ABLIM1: variants seen among roughly 807,000 people sequenced by gnomAD.
ABLIM1 encodes the protein actin-binding LIM protein 1.
A neutral mutation model predicts 107.0 loss-of-function variants in ABLIM1; 40 were observed. The observed-to-expected ratio is 0.37, with a 90% CI of 0.29 to 0.49. The LOEUF (loss-of-function observed/expected upper bound fraction) is 0.49. Ranked by LOEUF, ABLIM1 falls within the 20% of genes least tolerant of loss-of-function variation. The pLI is 0.97. For missense variants in ABLIM1, 857 were observed against 1,008.5 expected, an observed-to-expected ratio of 0.85 and a Z score of 2.04; for synonymous variants, 357 against 357.3, an observed-to-expected ratio of 1.00 and a Z score of 0.01.
chr10:114,460,444 T>C (rs567859530), intron 12 of ABLIM1, among the ~76,000 whole-genome samples: 2 of 152,062 alleles, frequency 1.3e-5, no homozygotes, highest in South Asian at 4.2e-4. Flanking sequence ...CTACTAAAAA[T>C]ACGAAAATTA....
intron 1 of ABLIM1, chr10:114,631,790 C>G (rs1481437409): frequency 8.6e-7 from 1 of 1,159,850 alleles, no homozygotes; most frequent in African/African-American, 1.6e-5. Context: ...GCTTCTCACA[C>G]CGAGAACATG....
chr10:114,698,407 G>T (rs1448021841), intron 1 of ABLIM1, among the ~76,000 whole-genome samples: 3 of 138,812 alleles, frequency 2.2e-5, no homozygotes, highest in Admixed American at 7.0e-5. Context: ...GATTAAAAAT[G>T]TAAAAAAAAA....
chr10:114,714,158 T>C (rs2081612105), intron 1 of ABLIM1, among the ~76,000 whole-genome samples: 1 of 152,248 alleles, frequency 6.6e-6, no homozygotes, highest in African/African-American at 2.4e-5. Flanking sequence ...ATGCCTTCTC[T>C]TCCTGTTTAT....
rs867453626 is a variant in ABLIM1 at position 114,547,770 on chromosome 10, G to A, written c.680C>T (p.Ala227Val). ...PKETTFSSNCAGCGRDIKNGQ... is the reference protein window; with the variant it reads ...PKETTFSSNCVGCGRDIKNGQ... Reference sequence around the variant, plus strand: ...ATTCTTGATATCTCTTCCGCAGCCGGCACAATCTGAAAAAGAGCAGCCGCC... The same window carrying A: ...ATTCTTGATATCTCTTCCGCAGCCGACACAATCTGAAAAAGAGCAGCCGCC... Residue 227 changes from alanine to valine, a missense_variant, in exon 5 of 23, where the codon GCC (alanine) becomes GTC (valine). Transcript: ENST00000533213. The A allele has an allele frequency of 6.2e-7, 1 of 1,608,528 alleles. No individual in the cohort carries two copies.
intron 11 of ABLIM1, among the ~76,000 whole-genome samples, chr10:114,467,106 C>T (rs2065338444): frequency 6.6e-6 from 1 of 152,216 alleles, no homozygotes; most frequent in South Asian, 2.1e-4. Context: ...TTGCAGTGAG[C>T]CAAGATTGTG....
chr10:114,441,606 C>A, intron 18 of ABLIM1, 116 bp downstream of exon 18: 1 of 948,044 alleles, frequency 1.1e-6, no homozygotes, highest in South Asian at 1.8e-5. Context: ...TTAAAATTTT[C>A]ATTATGTTCC....
intron 16 of ABLIM1, among the ~76,000 whole-genome samples, 197 bp from the exon 17 acceptor site, chr10:114,444,331 C>CAGA (rs2060700982): frequency 6.6e-6 from 1 of 152,104 alleles, no homozygotes; most frequent in Non-Finnish European, 1.5e-5. Context: ...TTAGCCCTTT[C>CAGA]AGTTTCAAAG....
intron 17 of ABLIM1, among the ~76,000 whole-genome samples, chr10:114,443,148 C>T (rs1263182175): frequency 6.6e-6 from 1 of 152,058 alleles, no homozygotes; most frequent in African/African-American, 2.4e-5. Context: ...TATGCTCTAG[C>T]TCAGAATATG....
intron 1 of ABLIM1, among the ~76,000 whole-genome samples, chr10:114,647,241 C>T (rs142774622): frequency 0.02 from 2,869 of 145,688 alleles, 64 homozygotes; most frequent in Middle Eastern, 0.062. Context: ...TCAGGTGATC[C>T]GCCTGCCTCG....
chr10:114,678,398 T>C (rs1047528402), intron 1 of ABLIM1, among the ~76,000 whole-genome samples: 1 of 152,234 alleles, frequency 6.6e-6, no homozygotes, highest in Non-Finnish European at 1.5e-5. Flanking sequence ...TAAACTAATC[T>C]TTATCGCCTT....
At chr10:114,448,126 T>C in intron 14 of ABLIM1, 106 bp from the exon 15 acceptor site, 10 of 1,439,192 alleles carry the variant, frequency 6.9e-6, no homozygotes, top group Non-Finnish European at 9.5e-6. Flanking sequence ...AAGTTTCAGT[T>C]CCAGAAAGTT....
rs77379815 is a variant in ABLIM1, at chr10:114,582,080, C to G, written c.380-6481G>C. Among the ~76,000 whole-genome samples the G allele has an allele frequency of 5.4e-3, 815 of 152,292 alleles. 5 individuals are homozygous for G. The highest frequency in any genetic ancestry group is 7.9e-3 in the Non-Finnish European group (540 of 68,032). Reference sequence around the variant, plus strand: ...AGGAAAAAAAGTCGTCAAACGGTCTCTCTTTGCCGATGATATGATTCTATA... The same window carrying G: ...AGGAAAAAAAGTCGTCAAACGGTCTGTCTTTGCCGATGATATGATTCTATA... On this transcript the variant is annotated intron_variant, in intron 2 of 22. Coordinates refer to ENST00000533213, the MANE Select transcript of ABLIM1 (RefSeq NM_002313.7).
chr10:114,480,268 G>C (rs2057133275), intron 8 of ABLIM1, among the ~76,000 whole-genome samples: 1 of 152,020 alleles, frequency 6.6e-6, no homozygotes, highest in East Asian at 1.9e-4. Context: ...TAACCCAATG[G>C]GTCAGAAGCC....
chr10:114,774,870 GA>G, the ABLIM1 span, among the ~76,000 whole-genome samples: 2 of 152,100 alleles, frequency 1.3e-5, no homozygotes, highest in African/African-American at 2.4e-5. Flanking sequence ...GAAGCCAGGG[GA>G]AAAAAAGTAC....
chr10:114,653,233 T>C (rs966661784), intron 1 of ABLIM1, among the ~76,000 whole-genome samples: 1 of 152,148 alleles, frequency 6.6e-6, no homozygotes. Flanking sequence ...ATATCAAACA[T>C]GGAAAAATCA....
At chr10:114,618,807 T>C (rs1248468948) in intron 1 of ABLIM1, among the ~76,000 whole-genome samples, 1 of 152,210 alleles carries the variant, frequency 6.6e-6, no homozygotes, top group Non-Finnish European at 1.5e-5. Context: ...GCCTGATTCA[T>C]GTTTAGTAGT....
In ABLIM1 at chr10:114,634,129, C is replaced by CTTTTTTTTTTTTTTTTTTTTTTTT. The variant is rs745875295; in HGVS notation, c.244+23827_244+23828insAAAAAAAAAAAAAAAAAAAAAAAA. Among the ~76,000 whole-genome samples, 15 of 68,288 alleles carry CTTTTTTTTTTTTTTTTTTTTTTTT rather than the reference C, an allele frequency of 2.2e-4. 4 individuals are homozygous for CTTTTTTTTTTTTTTTTTTTTTTTT. Among genetic ancestry groups the CTTTTTTTTTTTTTTTTTTTTTTTT allele is most frequent in the African/African-American group, 3.8e-4 (6 of 15,666 alleles). 44.8% of individuals were successfully genotyped at this position (68,288 alleles called of 152,430 possible). ...CGTAAATGCCATTAGCTCAATTTTT[C>CTTTTTTTTTTTTTTTTTTTTTTTT]TTTTTTTTTTTTTTTTTTTTTGAGA... is the stretch of plus-strand genomic sequence containing the variant. On this transcript the variant is annotated intron_variant, in intron 1 of 22. Coordinates refer to ENST00000533213, the MANE Select transcript of ABLIM1 (RefSeq NM_002313.7).
Position 114,602,009 on chromosome 10 carries a change from C to A in ABLIM1, c.245-48G>T. On this transcript the variant is annotated intron_variant, in intron 1 of 22. Transcript: ENST00000533213. ...TCCAGGTGAGTAGAGAGCATTCCTG[C>A]AAAAGGGGTCATCATGGTATCTCTG... 4 of 1,606,214 alleles carry A rather than the reference C, an allele frequency of 2.5e-6. No individual in the cohort carries two copies. In the South Asian group the frequency reaches 4.4e-5, roughly 18 times the overall value.
At chr10:114,784,719 G>C in the ABLIM1 span, among the ~76,000 whole-genome samples, 1 of 149,750 alleles carries the variant, frequency 6.7e-6, no homozygotes, top group Non-Finnish European at 1.5e-5. Context: ...ATGGTAGCTG[G>C]AGAAGGAAGA....
Sources: gnomAD v4.1 joint callset for allele counts (sites outside exome capture counted in the v4.1 genomes callset) on GRCh38, gnomAD v4.1.1 for gene constraint, MANE v1.5 for transcripts, NCBI Gene and HGNC (gene_info 2026-07-23, HGNC 2026-07-21) for gene names.